RNF128: variants seen among roughly 807,000 people sequenced by gnomAD.
The protein encoded by RNF128 is ring finger protein 128, also known as E3 ubiquitin-protein ligase RNF128.
RNF128 carries 13 observed loss-of-function variants against 26.2 expected under a neutral mutation model. That is an observed-to-expected ratio of 0.50 (90% CI 0.32 to 0.79). RNF128 has a LOEUF of 0.79. RNF128 is among the 30% of genes least tolerant of loss of function. The pLI is 0.03. For missense variants in RNF128, 315 were observed against 349.7 expected (o/e 0.90, Z 0.79); for synonymous variants, 149 against 142.5 (o/e 1.05, Z -0.32).
chrX:106,697,842 T>C (rs1928897233), intron 1 of RNF128, among the ~76,000 whole-genome samples: 1 of 110,251 alleles, frequency 9.1e-6, no homozygotes, highest in South Asian at 3.9e-4. Flanking sequence ...CTGTGTCCAG[T>C]ATCAGTTTCC....
At chrX:106,785,240 A>G in intron 3 of RNF128, 104 bp downstream of exon 3, 1 of 611,209 alleles carries the variant, frequency 1.6e-6, no homozygotes, top group Non-Finnish European at 2.5e-6. Context: ...GCATTTATGA[A>G]CCTTATTGAC....
chrX:106,782,247 G>A (rs1930579524), intron 2 of RNF128, among the ~76,000 whole-genome samples: 1 of 112,352 alleles, frequency 8.9e-6, no homozygotes. Flanking sequence ...AGAGCAAAAC[G>A]ATTGTGAAAG....
chrX:106,732,079 C>T, intron 1 of RNF128, among the ~76,000 whole-genome samples: 1 of 111,965 alleles, frequency 8.9e-6, no homozygotes, highest in Non-Finnish European at 1.9e-5. Flanking sequence ...GGTCCCTAAA[C>T]ATTCTCTATT....
At chrX:106,739,590 T>G (rs184750059) in intron 1 of RNF128, among the ~76,000 whole-genome samples, 4 of 112,154 alleles carry the variant, frequency 3.6e-5, no homozygotes, top group African/African-American at 9.7e-5. Context: ...ATGGTAGCTT[T>G]TATATCAGGT....
intron 2 of RNF128, among the ~76,000 whole-genome samples, chrX:106,779,607 G>GA (rs200654788): frequency 0.042 from 4,630 of 109,931 alleles, 288 homozygotes; most frequent in African/African-American, 0.15. Flanking sequence ...ACATTTCTTT[G>GA]AAAAAAATGC....
At chrX:106,742,258 C>G (rs1323356483) in intron 1 of RNF128, among the ~76,000 whole-genome samples, 1 of 112,026 alleles carries the variant, frequency 8.9e-6, no homozygotes, top group Admixed American at 9.5e-5. Flanking sequence ...CAGAGTTTTT[C>G]TCTGCATGGT....
In RNF128 at chrX:106,770,627, T is replaced by C. The variant is rs1422667465; in HGVS notation, c.485-2286T>C. On this transcript the variant is annotated intron_variant, in intron 1 of 6. Coordinates refer to ENST00000255499, the MANE Select transcript of RNF128 (RefSeq NM_194463.2). ...GTCATTTAAGGACTTCTCTACACTGTTTATTCTAGTTAGCCATTCGTCTAA... is the reference window on the plus strand; with the variant it reads ...GTCATTTAAGGACTTCTCTACACTGCTTATTCTAGTTAGCCATTCGTCTAA... Among the ~76,000 whole-genome samples, 2 of 111,453 alleles carry C rather than the reference T, an allele frequency of 1.8e-5. 1 individual carries two copies. The highest frequency in any genetic ancestry group is 8.4e-3 in the Middle Eastern group (2 of 238).
intron 1 of RNF128, among the ~76,000 whole-genome samples, chrX:106,700,785 T>C (rs1388160699): frequency 8.9e-6 from 1 of 112,067 alleles, no homozygotes; most frequent in Non-Finnish European, 1.9e-5. Context: ...TGTGTTTTAT[T>C]TTTAATATTA....
chrX:106,771,859 C>T (rs1930378286), intron 1 of RNF128, among the ~76,000 whole-genome samples: 1 of 112,518 alleles, frequency 8.9e-6, no homozygotes. Context: ...TCCTATTCGG[C>T]CATCTTGGAA....
intron 1 of RNF128, among the ~76,000 whole-genome samples, chrX:106,738,659 G>A (rs1162283819): frequency 2.7e-5 from 3 of 111,939 alleles, no homozygotes; most frequent in Non-Finnish European, 5.6e-5. Context: ...CAGTGGTTAA[G>A]AAGAGGGGAC....
intron 1 of RNF128, among the ~76,000 whole-genome samples, chrX:106,703,193 T>G (rs1214574763): frequency 8.9e-6 from 1 of 111,986 alleles, no homozygotes; most frequent in Non-Finnish European, 1.9e-5. Flanking sequence ...TGCTTTCCAT[T>G]TATATTTTAA....
chrX:106,741,077 C>T (rs1929693805), intron 1 of RNF128, among the ~76,000 whole-genome samples: 1 of 111,058 alleles, frequency 9.0e-6, no homozygotes, highest in Admixed American at 9.6e-5. Flanking sequence ...ACCTTACCAC[C>T]CCAAAACAGA....
At chrX:106,732,640 T>C (rs1201157838) in intron 1 of RNF128, among the ~76,000 whole-genome samples, 1 of 111,757 alleles carries the variant, frequency 8.9e-6, no homozygotes, top group African/African-American at 3.3e-5. Flanking sequence ...TAGAGCCTGG[T>C]AGAAGGAAGA....
chrX:106,763,728 G>A (rs771206732), intron 1 of RNF128, among the ~76,000 whole-genome samples: 50 of 110,645 alleles, frequency 4.5e-4, no homozygotes, highest in Non-Finnish European at 3.0e-4. Context: ...GGATGGTCTC[G>A]ATCTCCTGAT....
intron 1 of RNF128, among the ~76,000 whole-genome samples, chrX:106,762,837 CAAA>C (rs1272873262): frequency 9.1e-6 from 1 of 109,817 alleles, no homozygotes; most frequent in Non-Finnish European, 1.9e-5. Context: ...CACATGGACA[CAAA>C]GAAGGGAACA....
Position 106,791,058 on chromosome X carries a change from C to T in RNF128, c.985-8C>T, listed in dbSNP as rs1930814816. On this transcript the variant is annotated splice_polypyrimidine_tract_variant and splice_region_variant and intron_variant, in intron 5 of 6. Transcript: ENST00000255499. ...AGAGGCTTTTAATTTGTTACATGTT[C>T]TTTAAAGGTGGATGTTGAAGATGGA... 1 of 1,202,244 alleles carries T rather than the reference C, an allele frequency of 8.3e-7. No homozygotes were observed. Among genetic ancestry groups the T allele is most frequent in the Non-Finnish European group, 1.1e-6 (1 of 889,284 alleles).
intron 1 of RNF128, among the ~76,000 whole-genome samples, chrX:106,770,924 A>T (rs1930358569): frequency 1.8e-5 from 2 of 111,835 alleles, no homozygotes; most frequent in South Asian, 7.4e-4. Flanking sequence ...TGACGTACTG[A>T]CAGGGTTTTG....
At chrX:106,753,180 G>A (rs1929932869) in intron 1 of RNF128, among the ~76,000 whole-genome samples, 1 of 111,605 alleles carries the variant, frequency 9.0e-6, no homozygotes, top group Non-Finnish European at 1.9e-5. Flanking sequence ...GTTGTGGTGT[G>A]TGAACTACTC....
chrX:106,760,827 C>T (rs1161006852), intron 1 of RNF128, among the ~76,000 whole-genome samples: 4 of 111,598 alleles, frequency 3.6e-5, no homozygotes, highest in African/African-American at 1.3e-4. Context: ...AGCAGCAAAT[C>T]GTGTCATTTG....
Sources: allele counts gnomAD v4.1 joint callset (sites outside exome capture counted in the v4.1 genomes callset), GRCh38; gene constraint gnomAD v4.1.1; transcripts MANE v1.5; gene names NCBI Gene and HGNC (gene_info 2026-07-23, HGNC 2026-07-21).